Variants in EYA4 observed in about 807,000 individuals in gnomAD.
EYA4 encodes protein phosphatase EYA4.
In EYA4, 31 loss-of-function variants were observed where a neutral mutation model predicts 87.9. The observed-to-expected ratio is 0.35, with a 90% confidence interval of 0.27 to 0.48. EYA4 has a LOEUF of 0.48. Among genes scored for constraint, EYA4 ranks in the 20% least tolerant of loss-of-function variants. EYA4 has a pLI of 0.99. For synonymous variants in EYA4, 263 were observed against 270.6 expected, an observed-to-expected ratio of 0.97 and a Z score of 0.28; for missense variants, 678 against 761.4, an observed-to-expected ratio of 0.89 and a Z score of 1.29.
intron 2 of EYA4, among the ~76,000 whole-genome samples, chr6:133,315,618 G>A (rs10485233): frequency 0.014 from 2,181 of 152,212 alleles, 55 homozygotes; most frequent in African/African-American, 0.049. Flanking sequence ...CTGAAGCAAT[G>A]TTGGGAACAG....
intron 3 of EYA4, among the ~76,000 whole-genome samples, chr6:133,411,116 C>T (rs141027868): frequency 6.6e-6 from 1 of 152,222 alleles, no homozygotes; most frequent in African/African-American, 2.4e-5. Flanking sequence ...AACGGTTTAA[C>T]ACTACATGAT....
At chr6:133,292,110 A>G (rs1455801917) in intron 2 of EYA4, among the ~76,000 whole-genome samples, 1 of 152,210 alleles carries the variant, frequency 6.6e-6, no homozygotes, top group Non-Finnish European at 1.5e-5. Flanking sequence ...AGTGGTTAAG[A>G]GGCCTTTCCA....
At chr6:133,261,083 A>G (rs945274168) in intron 1 of EYA4, among the ~76,000 whole-genome samples, 1 of 152,060 alleles carries the variant, frequency 6.6e-6, no homozygotes, top group Non-Finnish European at 1.5e-5. Flanking sequence ...TTATTGATGT[A>G]TCTCTCATAT....
chr6:133,294,295 CT>C (rs1275236083), intron 2 of EYA4, among the ~76,000 whole-genome samples: 1 of 149,588 alleles, frequency 6.7e-6, no homozygotes, highest in East Asian at 2.0e-4. Flanking sequence ...CTTTAGTCCA[CT>C]GAGGAAATAT....
At position 133,529,214 on chromosome 6, in the gene EYA4, T is replaced by G. The variant is rs1350633659; in HGVS notation, c.*409T>G. 8.8e-7 allele frequency: 1 copy of G among 1,135,692 alleles called. No individual in the cohort carries two copies. The highest frequency in any genetic ancestry group is 1.1e-6 in the Non-Finnish European group (1 of 918,332). 70.4% of individuals were successfully genotyped at this position (1,135,692 alleles called of 1,614,324 possible). A position where few individuals can be genotyped will look rare whatever the true frequency, so the allele number is the denominator to read the frequency against. ...CTGAGGTTTGAATCTGACTTTAGCC[T>G]ACCTAACCCAGAAAATCTGAATTGG... On this transcript the variant is annotated 3_prime_UTR_variant, in exon 20 of 20. Transcript: ENST00000355286.
At chr6:133,350,080 TG>T (rs971861270) in intron 2 of EYA4, among the ~76,000 whole-genome samples, 10 of 152,122 alleles carry the variant, frequency 6.6e-5, no homozygotes, top group Non-Finnish European at 1.0e-4. Context: ...CTTTTTGCAG[TG>T]TTTCTGGCTC....
intron 1 of EYA4, among the ~76,000 whole-genome samples, chr6:133,265,748 T>A (rs1375144767): frequency 6.6e-6 from 1 of 152,212 alleles, no homozygotes; most frequent in African/African-American, 2.4e-5. Flanking sequence ...AAGCAAAGTA[T>A]TATGTTGTAA....
At chr6:133,293,269 T>C (rs534352071) in intron 2 of EYA4, among the ~76,000 whole-genome samples, 1 of 152,230 alleles carries the variant, frequency 6.6e-6, no homozygotes, top group Non-Finnish European at 1.5e-5. Flanking sequence ...TTTTTATTTT[T>C]TATGAGACAC....
intron 2 of EYA4, among the ~76,000 whole-genome samples, chr6:133,315,053 T>C (rs992786075): frequency 6.6e-6 from 1 of 152,136 alleles, no homozygotes; most frequent in Non-Finnish European, 1.5e-5. Context: ...GAAAACCACA[T>C]GTCTAAGCTG....
intron 2 of EYA4, among the ~76,000 whole-genome samples, chr6:133,355,687 G>C (rs1783964381): frequency 6.6e-6 from 1 of 152,150 alleles, no homozygotes; most frequent in Non-Finnish European, 1.5e-5. Context: ...AAAGAGATTT[G>C]TATTGTTATT....
intron 3 of EYA4, among the ~76,000 whole-genome samples, chr6:133,391,621 A>G (rs1366262365): frequency 6.6e-6 from 1 of 152,108 alleles, no homozygotes; most frequent in African/African-American, 2.4e-5. Flanking sequence ...TTAGCCACCT[A>G]GATAATAGAT....
At chr6:133,243,794 G>T (rs1282842260) in intron 1 of EYA4, among the ~76,000 whole-genome samples, 2 of 151,742 alleles carry the variant, frequency 1.3e-5, no homozygotes, top group Non-Finnish European at 2.9e-5. Context: ...TGCATTCAAA[G>T]ACATTTGTGT....
At chr6:133,391,804 C>T (rs1207478784) in intron 3 of EYA4, among the ~76,000 whole-genome samples, 1 of 152,116 alleles carries the variant, frequency 6.6e-6, no homozygotes, top group African/African-American at 2.4e-5. Context: ...CAAGTGCCCT[C>T]TACTTTCTAC....
chr6:133,324,347 A>C (rs1221833960), intron 2 of EYA4, among the ~76,000 whole-genome samples: 1 of 152,154 alleles, frequency 6.6e-6, no homozygotes, highest in East Asian at 1.9e-4. Context: ...ATTTTGACGG[A>C]AATGGAAGAA....
At chr6:133,413,138 T>G (rs1789389775) in intron 3 of EYA4, among the ~76,000 whole-genome samples, 1 of 152,232 alleles carries the variant, frequency 6.6e-6, no homozygotes, top group South Asian at 2.1e-4. Flanking sequence ...CAATTTGTTC[T>G]TTATTCTCAG....
chr6:133,251,791 A>G lies in EYA4; in HGVS notation c.-66+10042A>G, dbSNP rs889520505. Among the ~76,000 whole-genome samples the G allele has an allele frequency of 2.6e-5, 4 of 152,154 alleles. No homozygotes were observed. In the East Asian group the frequency reaches 7.7e-4, roughly 29 times the overall value. ...CAAAATTGCCTCTTCTTGAGAACCC[A>G]TAACCTAAGCAGATCTTAATATCAT... is the stretch of plus-strand genomic sequence containing the variant. On this transcript the variant is annotated intron_variant, in intron 1 of 19. Coordinates refer to ENST00000355286, the MANE Select transcript of EYA4 (RefSeq NM_004100.5).
chr6:133,315,287 T>C (rs1226966618), intron 2 of EYA4, among the ~76,000 whole-genome samples: 3 of 152,324 alleles, frequency 2.0e-5, no homozygotes, highest in Admixed American at 1.3e-4. Flanking sequence ...ATTTTCCCAG[T>C]GCTTTTGGAA....
At chr6:133,347,062 C>T (rs900744880) in intron 2 of EYA4, among the ~76,000 whole-genome samples, 1 of 152,176 alleles carries the variant, frequency 6.6e-6, no homozygotes, top group Non-Finnish European at 1.5e-5. Context: ...CAAAAAAGAA[C>T]ATGGCAATTC....
chr6:133,332,773 A>T (rs1782076431), intron 2 of EYA4, among the ~76,000 whole-genome samples: 1 of 139,160 alleles, frequency 7.2e-6, no homozygotes, highest in Admixed American at 8.0e-5. Flanking sequence ...CATGTTGGCC[A>T]GGATGGTCTC....
Sources: allele counts gnomAD v4.1 joint callset (sites outside exome capture counted in the v4.1 genomes callset), GRCh38; gene constraint gnomAD v4.1.1; transcripts MANE v1.5; gene names NCBI Gene and HGNC (gene_info 2026-07-23, HGNC 2026-07-21).